The following ANKRD11 variants were observed in gnomAD, a reference collection of about 807,000 sequenced individuals.
ANKRD11 encodes the protein ankyrin repeat domain-containing protein 11.
ANKRD11 carries 17 observed loss-of-function variants against 195.7 expected under a neutral mutation model. The observed-to-expected ratio is 0.09, with a 90% CI of 0.06 to 0.13. The LOEUF (loss-of-function observed/expected upper bound fraction) is 0.13. ANKRD11 is among the 10% of genes least tolerant of loss of function. The probability of loss-of-function intolerance (pLI) is 1.00; values close to 1 mark genes in which losing one functional copy is unlikely to be tolerated. For missense variants in ANKRD11, 3,735 were observed against 3,566.1 expected (o/e 1.05, Z -1.21); for synonymous variants, 1,953 against 1,528.1 (o/e 1.28, Z -6.49).
Position 89,287,748 on chromosome 16 carries a change from C to G in ANKRD11, c.744+780G>C, listed in dbSNP as rs141759357. The G allele has an allele frequency of 2.0e-3, 338 of 172,540 alleles. 1 individual carries two copies. Among genetic ancestry groups the G allele is most frequent in the Non-Finnish European group, 1.9e-3 (158 of 81,740 alleles). 10.7% of individuals were successfully genotyped at this position (172,540 alleles called of 1,614,324 possible). A position where few individuals can be genotyped will look rare whatever the true frequency, so the allele number is the denominator to read the frequency against. ...GTCTCAGAGTCTTCAATCCACCCCC[C>G]ACCCCACCGGAACAAGCCGTTTCTC... On this transcript the variant is annotated intron_variant, in intron 7 of 12. Coordinates refer to ENST00000301030, the MANE Select transcript of ANKRD11 (RefSeq NM_013275.6).
intron 9 of ANKRD11, chr16:89,278,780 G>A (rs1397837398): frequency 6.6e-6 from 4 of 609,442 alleles, no homozygotes; most frequent in Non-Finnish European, 1.2e-5. Context: ...CGGCGTGAAG[G>A]GGGAGCCCCA....
intron 2 of ANKRD11, among the ~76,000 whole-genome samples, chr16:89,366,341 A>C (rs2039950901): frequency 6.6e-6 from 1 of 152,070 alleles, no homozygotes; most frequent in Non-Finnish European, 1.5e-5. Flanking sequence ...CTGGGTATAT[A>C]CCCAGTAATG....
intron 1 of ANKRD11, among the ~76,000 whole-genome samples, chr16:89,470,098 G>T (rs1445356729): frequency 6.6e-6 from 1 of 151,510 alleles, no homozygotes; most frequent in African/African-American, 2.4e-5. Flanking sequence ...AGTAGAGACG[G>T]GGTTTCACCG....
At chr16:89,311,518 C>T (rs2036605391) in intron 3 of ANKRD11, among the ~76,000 whole-genome samples, 1 of 152,144 alleles carries the variant, frequency 6.6e-6, no homozygotes, top group Non-Finnish European at 1.5e-5. Flanking sequence ...TCTATGCTTA[C>T]CTCACACCAC....
intron 2 of ANKRD11, among the ~76,000 whole-genome samples, chr16:89,354,257 A>AAG (rs1469114732): frequency 3.1e-4 from 47 of 152,088 alleles, no homozygotes; most frequent in African/African-American, 9.2e-4. Context: ...AAAAAAAAAA[A>AAG]AAAGAAAACT....
chr16:89,362,404 T>A (rs2039770210), intron 2 of ANKRD11, among the ~76,000 whole-genome samples: 1 of 152,152 alleles, frequency 6.6e-6, no homozygotes, highest in South Asian at 2.1e-4. Context: ...GCACGAAAGT[T>A]CCATCTAGAC....
chr16:89,281,409 G>A lies in ANKRD11; in HGVS notation c.5133C>T (p.Ser1711=), dbSNP rs745418159. 3.7e-6 allele frequency: 6 copies of A among 1,611,114 alleles called. No individual in the cohort carries two copies. The highest frequency in any genetic ancestry group is 2.2e-5 in the East Asian group (1 of 44,808). Residue 1711 remains serine, a synonymous_variant, in exon 9 of 13, where the codon TCC becomes TCT. Coordinates refer to ENST00000301030, the MANE Select transcript of ANKRD11 (RefSeq NM_013275.6). The surrounding 1 kb of genome is among the most constrained non-coding windows in gnomAD (Gnocchi z 5.5). ...GCATCACCTCCTCGTAGCTGGGGCA[G>A]GATAGCACCGACGTAGGGGTGGGCA... ...TGVPTPTSVL[S]CPSYEEVMHT... is the part of the protein sequence containing the mutation.
intron 2 of ANKRD11, among the ~76,000 whole-genome samples, chr16:89,394,756 G>C (rs1000631425): frequency 2.0e-5 from 3 of 152,074 alleles, no homozygotes; most frequent in African/African-American, 7.2e-5. Context: ...CTCCATCAAG[G>C]ATGCTGTAAA....
intron 2 of ANKRD11, among the ~76,000 whole-genome samples, chr16:89,322,019 A>G (rs2037357320): frequency 6.6e-6 from 1 of 152,212 alleles, no homozygotes; most frequent in Admixed American, 6.5e-5. Context: ...TAACAGTAAG[A>G]GCAGAACACA....
In ANKRD11 at chr16:89,282,270, A is replaced by G. The variant is rs373066750; in HGVS notation, c.4272T>C (p.Ser1424=). The G allele has an allele frequency of 1.3e-4, 210 of 1,613,966 alleles. No homozygotes were observed. The East Asian group carries it at 3.1e-3, about 23-fold the overall frequency. The change falls in exon 9 of 13, where the codon TCT becomes TCC. Residue 1424 remains serine, a synonymous_variant. Transcript: ENST00000301030. ...AATCATTTTTATCTTTCTTTTCGGTAGAAAACAATTCAATGGTTTTATCTA... is the reference window on the plus strand; with the variant it reads ...AATCATTTTTATCTTTCTTTTCGGTGGAAAACAATTCAATGGTTTTATCTA... ...DELDKTIELF[S]TEKKDKNDSE...
At chr16:89,334,935 C>T (rs1416147106) in intron 2 of ANKRD11, among the ~76,000 whole-genome samples, 1 of 152,008 alleles carries the variant, frequency 6.6e-6, no homozygotes, top group East Asian at 1.9e-4. Flanking sequence ...GTGCTGGGGG[C>T]CAGGCAGACA....
intron 2 of ANKRD11, among the ~76,000 whole-genome samples, chr16:89,363,915 C>T (rs1356864953): frequency 1.3e-5 from 2 of 152,100 alleles, no homozygotes; most frequent in Non-Finnish European, 1.5e-5. Context: ...AAAAATTACC[C>T]AGGTATGATG....
intron 1 of ANKRD11, chr16:89,459,508 T>G (rs2056578007): frequency 6.6e-6 from 1 of 152,240 alleles, no homozygotes; most frequent in Non-Finnish European, 1.5e-5. Flanking sequence ...TTACAAGTTT[T>G]TTATTTCCAA....
chr16:89,286,974 T>A (rs1232024646), intron 7 of ANKRD11: 14 of 1,289,812 alleles, frequency 1.1e-5, no homozygotes, highest in Non-Finnish European at 1.4e-5. Context: ...GTGTGACATG[T>A]TCTATTGTTG....
At chr16:89,477,296 G>T (rs1464429254) in intron 1 of ANKRD11, among the ~76,000 whole-genome samples, 1 of 151,254 alleles carries the variant, frequency 6.6e-6, no homozygotes, top group East Asian at 2.0e-4. Flanking sequence ...ATGTTCAAGC[G>T]ATTCTCCTGC....
chr16:89,319,436 C>T (rs920868932), intron 2 of ANKRD11, among the ~76,000 whole-genome samples: 6 of 152,244 alleles, frequency 3.9e-5, no homozygotes, highest in Non-Finnish European at 7.3e-5. Context: ...GCGAACACTC[C>T]GGGGACTCGG....
intron 4 of ANKRD11, among the ~76,000 whole-genome samples, chr16:89,304,599 G>GGC (rs939342172): frequency 4.1e-5 from 6 of 145,794 alleles, no homozygotes; most frequent in Non-Finnish European, 9.0e-5. Flanking sequence ...TACACACACG[G>GGC]GCACACACAC....
chr16:89,362,935 G>A (rs149094702), intron 2 of ANKRD11, among the ~76,000 whole-genome samples: 2,829 of 151,916 alleles, frequency 0.019, 79 homozygotes, highest in African/African-American at 0.065. Flanking sequence ...TCCAGCCAAT[G>A]GAAACCGGAC....
At chr16:89,487,814 T>C (rs1000211566) in intron 1 of ANKRD11, among the ~76,000 whole-genome samples, 3 of 152,184 alleles carry the variant, frequency 2.0e-5, no homozygotes, top group African/African-American at 7.2e-5. Flanking sequence ...CAAAAACTTC[T>C]TGGAAAAATA....
Sources: allele counts gnomAD v4.1 joint callset (sites outside exome capture counted in the v4.1 genomes callset), GRCh38; gene constraint gnomAD v4.1.1; non-coding constraint Gnocchi (gnomAD v3.1); transcripts MANE v1.5; gene names NCBI Gene and HGNC (gene_info 2026-07-23, HGNC 2026-07-21).